The following SCLT1 variants were observed in gnomAD, a reference collection of about 807,000 sequenced individuals.
SCLT1 encodes the protein sodium channel-associated protein 1.
SCLT1 carries 78 observed loss-of-function variants against 112.8 expected under a neutral mutation model. The observed-to-expected ratio is 0.69, with a 90% CI of 0.58 to 0.83. SCLT1 has a LOEUF of 0.83. Ranked by LOEUF, SCLT1 falls within the 40% of genes least tolerant of loss-of-function variation. The pLI is 0.00. For missense variants in SCLT1, 747 were observed against 770.4 expected, an observed-to-expected ratio of 0.97 and a Z score of 0.36; for synonymous variants, 257 against 254.7, an observed-to-expected ratio of 1.01 and a Z score of -0.09.
At chr4:128,944,145 C>T (rs1737944612) in intron 16 of SCLT1, among the ~76,000 whole-genome samples, 1 of 152,106 alleles carries the variant, frequency 6.6e-6, no homozygotes, top group African/African-American at 2.4e-5. Flanking sequence ...TTTGCTTCCC[C>T]AGCAACTCCC....
rs549793750 is a variant in SCLT1, at chr4:129,067,845, T to A, written c.102+14461A>T. Among the ~76,000 whole-genome samples, 1,305 of 151,264 alleles carry A rather than the reference T, an allele frequency of 8.6e-3. 20 individuals carry two copies. Among genetic ancestry groups the A allele is most frequent in the African/African-American group, 0.03 (1,223 of 41,218 alleles). Reference sequence around the variant, plus strand: ...ATATTTTAACTTTTTTTTTTTTTTTTAAATGTTATTTCTACAGGTTGCTGG... The same window carrying A: ...ATATTTTAACTTTTTTTTTTTTTTTAAAATGTTATTTCTACAGGTTGCTGG... On this transcript the variant is annotated intron_variant, in intron 2 of 20. Transcript: ENST00000281142.
chr4:128,978,585 A>T (rs953136800), intron 9 of SCLT1, among the ~76,000 whole-genome samples: 1 of 152,106 alleles, frequency 6.6e-6, no homozygotes, highest in Admixed American at 6.6e-5. Flanking sequence ...TGAGGGAGGC[A>T]TTTTTAAGTC....
chr4:129,028,738 G>A (rs1260516808), intron 5 of SCLT1, among the ~76,000 whole-genome samples: 1 of 151,906 alleles, frequency 6.6e-6, no homozygotes, highest in Non-Finnish European at 1.5e-5. Context: ...GAGTGAACAG[G>A]CAACCTACAA....
intron 4 of SCLT1, 62 bp from the exon 5 acceptor site, chr4:129,039,158 G>T: frequency 1.0e-6 from 1 of 984,244 alleles, no homozygotes; most frequent in Non-Finnish European, 1.6e-6. Context: ...CCATTAAGTA[G>T]ACCACTCACG....
chr4:128,983,903 T>A lies in SCLT1; in HGVS notation c.686+8264A>T, dbSNP rs558981028. The stretch of plus-strand genomic sequence containing the variant: ...ATATAGAGCATCTCAAAACCTAAAT[T>A]CTGGTAATGTCAATATGCCCATCAT... On this transcript the variant is annotated intron_variant, in intron 9 of 20. Transcript: ENST00000281142. Among the ~76,000 whole-genome samples, 5 of 152,276 alleles carry A rather than the reference T, an allele frequency of 3.3e-5. No homozygotes were observed. The South Asian group carries it at 8.3e-4, about 25-fold the overall frequency.
At chr4:128,943,909 A>G (rs1004662342) in intron 16 of SCLT1, among the ~76,000 whole-genome samples, 2 of 152,150 alleles carry the variant, frequency 1.3e-5, no homozygotes, top group Non-Finnish European at 2.9e-5. Flanking sequence ...TGCTACTAAT[A>G]TTGTGAAAGT....
intron 18 of SCLT1, among the ~76,000 whole-genome samples, chr4:128,894,359 AAGTAACACACACACACACACAC>A (rs1733565884): frequency 9.2e-6 from 1 of 108,514 alleles, no homozygotes; most frequent in Non-Finnish European, 1.8e-5. Flanking sequence ...TTCATTGAGT[AAGTAACACACACACACACACAC>A]ACACACACAC....
At chr4:129,029,155 G>T (rs1013843159) in intron 5 of SCLT1, among the ~76,000 whole-genome samples, 1 of 152,126 alleles carries the variant, frequency 6.6e-6, no homozygotes, top group South Asian at 2.1e-4. Flanking sequence ...AATACCATTT[G>T]ACCCAGCCAT....
chr4:128,930,794 G>A (rs1736694738), intron 18 of SCLT1, among the ~76,000 whole-genome samples: 1 of 152,098 alleles, frequency 6.6e-6, no homozygotes, highest in South Asian at 2.1e-4. Flanking sequence ...TATGGTAAAT[G>A]TTCTATCGAC....
intron 4 of SCLT1, among the ~76,000 whole-genome samples, chr4:129,041,249 T>C (rs1747672258): frequency 6.6e-6 from 1 of 152,168 alleles, no homozygotes; most frequent in Non-Finnish European, 1.5e-5. Flanking sequence ...ACTGTGCTTG[T>C]CCTAAATTTA....
chr4:128,911,323 T>C (rs1735080015), intron 18 of SCLT1, among the ~76,000 whole-genome samples: 1 of 152,126 alleles, frequency 6.6e-6, no homozygotes, highest in Non-Finnish European at 1.5e-5. Flanking sequence ...TTAAGTAAGA[T>C]TAGTACATAT....
At chr4:128,885,096 C>T (rs1032832774) in intron 20 of SCLT1, among the ~76,000 whole-genome samples, 4 of 152,130 alleles carry the variant, frequency 2.6e-5, no homozygotes, top group African/African-American at 7.2e-5. Context: ...AAAACATCTA[C>T]ATAAAAGTTA....
chr4:129,027,092 A>T (rs1034590848), intron 5 of SCLT1, among the ~76,000 whole-genome samples: 1 of 152,158 alleles, frequency 6.6e-6, no homozygotes, highest in Non-Finnish European at 1.5e-5. Flanking sequence ...CCAGGACCAG[A>T]TGGATTCACA....
intron 18 of SCLT1, among the ~76,000 whole-genome samples, chr4:128,913,694 A>C (rs1735263581): frequency 6.6e-6 from 1 of 152,194 alleles, no homozygotes; most frequent in African/African-American, 2.4e-5. Context: ...GAGGATGATT[A>C]TCTCTGCTGA....
At position 128,910,715 on chromosome 4, in the gene SCLT1, G is replaced by A. The variant is rs547905947; in HGVS notation, c.1830-19578C>T. ...TTTTTTACACTTAGCTCTTTAATAC[G>A]TCTGGAATTTATTTTATATATGAAA... On this transcript the variant is annotated intron_variant, in intron 18 of 20. Coordinates refer to ENST00000281142, the MANE Select transcript of SCLT1 (RefSeq NM_144643.4). 2.7e-4 allele frequency among the ~76,000 whole-genome samples: 41 copies of A among 151,536 alleles called. 1 individual carries two copies. Among genetic ancestry groups the A allele is most frequent in the East Asian group, 1.7e-3 (9 of 5,164 alleles).
At chr4:128,890,623 A>C (rs956414323) in intron 19 of SCLT1, among the ~76,000 whole-genome samples, 2 of 152,204 alleles carry the variant, frequency 1.3e-5, no homozygotes, top group African/African-American at 4.8e-5. Flanking sequence ...TCAAGGAAAA[A>C]AACTTGAACT....
intron 5 of SCLT1, among the ~76,000 whole-genome samples, chr4:129,027,374 C>T (rs1746209774): frequency 1.3e-5 from 2 of 152,288 alleles, no homozygotes; most frequent in South Asian, 2.1e-4. Context: ...GGCTTCATCC[C>T]TGGGATGCAA....
At chr4:128,901,821 G>C (rs1390179570) in intron 18 of SCLT1, among the ~76,000 whole-genome samples, 1 of 151,862 alleles carries the variant, frequency 6.6e-6, no homozygotes, top group Non-Finnish European at 1.5e-5. Flanking sequence ...TATCAATCCT[G>C]TATTATAATG....
At chr4:128,889,322 C>G (rs1293202061) in intron 19 of SCLT1, among the ~76,000 whole-genome samples, 2 of 152,150 alleles carry the variant, frequency 1.3e-5, no homozygotes, top group Admixed American at 6.5e-5. Context: ...GACCATAATC[C>G]ATATGACTGG....
Sources: gnomAD v4.1 joint callset for allele counts (sites outside exome capture counted in the v4.1 genomes callset) on GRCh38, gnomAD v4.1.1 for gene constraint, MANE v1.5 for transcripts, NCBI Gene and HGNC (gene_info 2026-07-23, HGNC 2026-07-21) for gene names.